GRIN2B: variants seen among roughly 807,000 people sequenced by gnomAD.
GRIN2B encodes the protein glutamate receptor ionotropic, NMDA 2B.
GRIN2B carries 5 observed loss-of-function variants against 114.5 expected under a neutral mutation model. The observed-to-expected ratio is 0.04, with a 90% CI of 0.02 to 0.09. The LOEUF is 0.09. Among genes scored for constraint, GRIN2B ranks in the 10% least tolerant of loss-of-function variants. The pLI is 1.00. For synonymous variants in GRIN2B, 787 were observed against 745.1 expected (o/e 1.06, Z -0.92); for missense variants, 1,108 against 1,943.5 (o/e 0.57, Z 8.08).
At chr12:13,731,443 C>CA (rs1014489749) in intron 4 of GRIN2B, among the ~76,000 whole-genome samples, 21 of 151,874 alleles carry the variant, frequency 1.4e-4, no homozygotes, top group African/African-American at 3.6e-4. Context: ...ACTAAAAATA[C>CA]AAAAAAAATT....
chr12:13,863,636 A>G (rs1004859576), intron 3 of GRIN2B, among the ~76,000 whole-genome samples: 3 of 152,238 alleles, frequency 2.0e-5, no homozygotes, highest in African/African-American at 7.2e-5. Context: ...CGCCTAGCAT[A>G]TGGGGAACAC....
intron 2 of GRIN2B, among the ~76,000 whole-genome samples, chr12:13,932,986 T>TGTGTGTGTGTGTGCGC (rs61241187): frequency 6.7e-6 from 1 of 148,298 alleles, no homozygotes. Context: ...TGTGTGTGTG[T>TGTGTGTGTGTGTGCGC]GCGTGTGCGT....
At chr12:13,958,123 A>G (rs1867624440) in intron 2 of GRIN2B, among the ~76,000 whole-genome samples, 1 of 152,174 alleles carries the variant, frequency 6.6e-6, no homozygotes, top group Non-Finnish European at 1.5e-5. Flanking sequence ...TGCACCTTGG[A>G]TTAGGAATAA....
intron 8 of GRIN2B, 80 bp from the exon 9 acceptor site, chr12:13,611,930 A>G (rs1949370220): frequency 3.5e-6 from 5 of 1,448,184 alleles, no homozygotes; most frequent in South Asian, 2.3e-5. Flanking sequence ...TTCATTTCAT[A>G]TTTTAGGGGG....
At chr12:13,826,759 T>G (rs1312282435) in intron 3 of GRIN2B, among the ~76,000 whole-genome samples, 1 of 152,152 alleles carries the variant, frequency 6.6e-6, no homozygotes, top group Admixed American at 6.6e-5. Context: ...TTTCAGGATT[T>G]TTAATAATGT....
At chr12:13,793,170 G>T (rs1864350125) in intron 3 of GRIN2B, among the ~76,000 whole-genome samples, 1 of 152,180 alleles carries the variant, frequency 6.6e-6, no homozygotes, top group Non-Finnish European at 1.5e-5. Context: ...ACTTTGGGAG[G>T]CCGAGGCGAG....
chr12:13,735,527 G>C (rs1344390660), intron 4 of GRIN2B, among the ~76,000 whole-genome samples: 4 of 152,152 alleles, frequency 2.6e-5, no homozygotes, highest in African/African-American at 9.7e-5. Flanking sequence ...CATAAAAGCA[G>C]GGTTTTCATT....
At chr12:13,713,571 T>C (rs1950431915) in intron 4 of GRIN2B, among the ~76,000 whole-genome samples, 1 of 151,916 alleles carries the variant, frequency 6.6e-6, no homozygotes, top group African/African-American at 2.4e-5. Context: ...TCAGTGTTGG[T>C]AAGACGTTCT....
At chr12:13,785,912 T>A (rs1809998411) in intron 3 of GRIN2B, among the ~76,000 whole-genome samples, 1 of 152,214 alleles carries the variant, frequency 6.6e-6, no homozygotes, top group South Asian at 2.1e-4. Flanking sequence ...TGTGCTGTGT[T>A]AAGTAATGTT....
At chr12:13,837,651 T>C (rs1865298738) in intron 3 of GRIN2B, among the ~76,000 whole-genome samples, 1 of 152,162 alleles carries the variant, frequency 6.6e-6, no homozygotes, top group African/African-American at 2.4e-5. Flanking sequence ...AAAACCAATT[T>C]TGACTTTCAA....
At chr12:13,707,293 C>T (rs1013165705) in intron 4 of GRIN2B, among the ~76,000 whole-genome samples, 1 of 152,092 alleles carries the variant, frequency 6.6e-6, no homozygotes. Flanking sequence ...CAGGGGAAAA[C>T]GCCCAAACAA....
At chr12:13,955,821 T>C (rs6488626) in intron 2 of GRIN2B, among the ~76,000 whole-genome samples, 15,768 of 152,114 alleles carry the variant, frequency 0.1, 1,622 homozygotes, top group East Asian at 0.42. Flanking sequence ...GTGCCTGCTG[T>C]ATGCAATGCA....
intron 4 of GRIN2B, among the ~76,000 whole-genome samples, chr12:13,746,994 C>T (rs574058426): frequency 6.6e-6 from 1 of 152,140 alleles, no homozygotes; most frequent in Non-Finnish European, 1.5e-5. Flanking sequence ...TTATAAATTA[C>T]CCGGCCTTTA....
intron 4 of GRIN2B, among the ~76,000 whole-genome samples, chr12:13,695,996 C>G (rs1319395502): frequency 6.6e-6 from 1 of 152,092 alleles, no homozygotes; most frequent in Non-Finnish European, 1.5e-5. Flanking sequence ...TAGCTCTGAC[C>G]TCTGCAGGAC....
At chr12:13,718,533 T>C (rs996684031) in intron 4 of GRIN2B, among the ~76,000 whole-genome samples, 1 of 152,118 alleles carries the variant, frequency 6.6e-6, no homozygotes, top group Non-Finnish European at 1.5e-5. Flanking sequence ...GTGTAAATTG[T>C]GTGCTTTGCC....
intron 5 of GRIN2B, among the ~76,000 whole-genome samples, chr12:13,640,942 C>A (rs1949709054): frequency 6.6e-6 from 1 of 152,060 alleles, no homozygotes; most frequent in African/African-American, 2.4e-5. Flanking sequence ...TATTGGTGGA[C>A]ACAACTCTGT....
chr12:13,851,245 G>A (rs745483586), intron 3 of GRIN2B, among the ~76,000 whole-genome samples: 21 of 152,168 alleles, frequency 1.4e-4, no homozygotes, highest in Non-Finnish European at 2.1e-4. Flanking sequence ...GGATTTCAGC[G>A]TCTCTAATTC....
At chr12:13,811,231 GGT>G (rs1864722975) in intron 3 of GRIN2B, among the ~76,000 whole-genome samples, 1 of 152,200 alleles carries the variant, frequency 6.6e-6, no homozygotes, top group African/African-American at 2.4e-5. Context: ...GTAAGGGTCA[GGT>G]GTTATTCAGA....
rs1233664795 is a variant in GRIN2B, at chr12:13,559,264, AC to A, written c.*3518del. The stretch of plus-strand genomic sequence containing the variant: ...ATATCCAGTTGAAGAAAAGCAACCA[AC>A]TGGGGCCAAATAAGTTTAGAAAAAT... On this transcript the variant is annotated 3_prime_UTR_variant, in exon 14 of 14. Transcript: ENST00000609686. 6.6e-6 allele frequency: 1 copy of A among 152,244 alleles called. No homozygotes were observed. Among genetic ancestry groups the A allele is most frequent in the African/African-American group, 2.4e-5 (1 of 41,460 alleles). The allele number at this position is 152,244 out of a possible 1,614,324, so 9.4% of individuals were successfully genotyped here. A position where few individuals can be genotyped will look rare whatever the true frequency, so the allele number is the denominator to read the frequency against.
Sources: allele counts gnomAD v4.1 joint callset (sites outside exome capture counted in the v4.1 genomes callset), GRCh38; gene constraint gnomAD v4.1.1; transcripts MANE v1.5; gene names NCBI Gene and HGNC (gene_info 2026-07-23, HGNC 2026-07-21).